Variants in ZC3H12B observed in about 807,000 individuals in gnomAD.
The protein encoded by ZC3H12B is zinc finger CCCH-type containing 12B.
ZC3H12B carries 7 observed loss-of-function variants against 43.9 expected under a neutral mutation model. That is an observed-to-expected ratio of 0.16 (90% CI 0.09 to 0.30). The LOEUF is 0.30. Ranked by LOEUF, ZC3H12B falls within the 10% of genes least tolerant of loss-of-function variation. The pLI is 1.00. For synonymous variants in ZC3H12B, 222 were observed against 241.7 expected (o/e 0.92, Z 0.76); for missense variants, 475 against 670.2 (o/e 0.71, Z 3.22).
intron 3 of ZC3H12B, among the ~76,000 whole-genome samples, chrX:65,461,597 C>G (rs751391924): frequency 1.3e-4 from 15 of 111,670 alleles, no homozygotes; most frequent in African/African-American, 4.9e-4. Flanking sequence ...CAATCTATCA[C>G]AAGGACAAAA....
At chrX:65,061,643 T>G in the ZC3H12B span, among the ~76,000 whole-genome samples, 1 of 112,449 alleles carries the variant, frequency 8.9e-6, no homozygotes, top group Non-Finnish European at 1.9e-5. Flanking sequence ...GCATGTGTCT[T>G]TATAGTAGAA....
At chrX:65,255,603 C>T in the ZC3H12B span, among the ~76,000 whole-genome samples, 2 of 111,993 alleles carry the variant, frequency 1.8e-5, no homozygotes, top group South Asian at 7.4e-4. Context: ...TTTACATAGA[C>T]CATTAACACT....
the ZC3H12B span, among the ~76,000 whole-genome samples, chrX:65,177,698 C>T: frequency 9.0e-6 from 1 of 111,242 alleles, no homozygotes; most frequent in African/African-American, 3.3e-5. Context: ...AATAAAATAC[C>T]TAGGAATACA....
chrX:65,425,882 T>A (rs1355053312), intron 3 of ZC3H12B, among the ~76,000 whole-genome samples: 8 of 111,769 alleles, frequency 7.2e-5, no homozygotes, highest in East Asian at 5.6e-4. Context: ...ACTGAGGATT[T>A]TTGCATTGAT....
At chrX:65,078,455 C>G in the ZC3H12B span, among the ~76,000 whole-genome samples, 2 of 111,758 alleles carry the variant, frequency 1.8e-5, no homozygotes, top group African/African-American at 6.5e-5. Context: ...GTAGGAGGAA[C>G]ATAAGAAGAA....
At chrX:65,311,786 C>A in the ZC3H12B span, among the ~76,000 whole-genome samples, 1 of 111,723 alleles carries the variant, frequency 9.0e-6, no homozygotes, top group African/African-American at 3.3e-5. Context: ...AAATGTGGCA[C>A]ATATACACCA....
the ZC3H12B span, among the ~76,000 whole-genome samples, chrX:65,155,683 G>A: frequency 7.2e-5 from 8 of 110,494 alleles, no homozygotes; most frequent in African/African-American, 9.9e-5. Context: ...GTGAAACCTC[G>A]TCTGTACAGA....
the ZC3H12B span, among the ~76,000 whole-genome samples, chrX:65,110,928 A>C: frequency 2.7e-5 from 3 of 111,545 alleles, no homozygotes; most frequent in East Asian, 8.5e-4. Flanking sequence ...AGTTTTCAGC[A>C]TACAGATCCT....
At chrX:65,110,854 T>A in the ZC3H12B span, among the ~76,000 whole-genome samples, 1 of 111,482 alleles carries the variant, frequency 9.0e-6, no homozygotes, top group Admixed American at 9.6e-5. Context: ...AGTATTCCAA[T>A]CCATGAATTC....
the ZC3H12B span, among the ~76,000 whole-genome samples, chrX:65,140,377 G>T: frequency 9.0e-6 from 1 of 111,387 alleles, no homozygotes; most frequent in African/African-American, 3.3e-5. Flanking sequence ...CTTTTTGTCT[G>T]TCAATGTGGC....
the ZC3H12B span, among the ~76,000 whole-genome samples, chrX:65,212,666 A>G: frequency 1.1e-5 from 1 of 88,042 alleles, no homozygotes; most frequent in Non-Finnish European, 2.1e-5. Flanking sequence ...TTATATATAA[A>G]TATATATGAT....
At chrX:65,284,783 A>T in the ZC3H12B span, among the ~76,000 whole-genome samples, 2 of 111,610 alleles carry the variant, frequency 1.8e-5, no homozygotes, top group East Asian at 5.6e-4. Context: ...GAAATTTACT[A>T]GAGACAGATA....
upstream of ZC3H12B, among the ~76,000 whole-genome samples, chrX:65,365,896 C>T (rs369632648): frequency 1.0e-4 from 11 of 109,802 alleles, no homozygotes; most frequent in East Asian, 1.2e-3. Context: ...GACCCCACTG[C>T]GATCTCCCTT....
At chrX:65,403,352 G>A (rs887904493) in intron 3 of ZC3H12B, among the ~76,000 whole-genome samples, 1 of 111,459 alleles carries the variant, frequency 9.0e-6, no homozygotes, top group African/African-American at 3.3e-5. Context: ...AAATGTCAAA[G>A]TTAAGAGTTA....
the ZC3H12B span, among the ~76,000 whole-genome samples, chrX:65,270,541 T>A: frequency 8.1e-5 from 9 of 110,636 alleles, no homozygotes; most frequent in Non-Finnish European, 1.7e-4. Context: ...TGGGACTACC[T>A]CAAACTAAAA....
At chrX:65,323,222 C>G in the ZC3H12B span, among the ~76,000 whole-genome samples, 7 of 111,986 alleles carry the variant, frequency 6.3e-5, no homozygotes, top group African/African-American at 2.3e-4. Context: ...CTGTGTTGTT[C>G]TGGATCTTAG....
chrX:65,300,576 A>G, the ZC3H12B span, among the ~76,000 whole-genome samples: 1 of 110,955 alleles, frequency 9.0e-6, no homozygotes, highest in Non-Finnish European at 1.9e-5. Context: ...TTCTCTACCC[A>G]CCCTGGTAGC....
At chrX:65,497,055 T>C in intron 1 of ZC3H12B, 77 bp from the exon 7 acceptor site, 7 of 918,162 alleles carry the variant, frequency 7.6e-6, no homozygotes, top group Non-Finnish European at 1.1e-5. Flanking sequence ...ACCTTGGTAC[T>C]AAGAAAAAGC....
chrX:65,380,427 A>T (rs950463111), intron 2 of ZC3H12B, among the ~76,000 whole-genome samples: 3 of 111,524 alleles, frequency 2.7e-5, no homozygotes, highest in Non-Finnish European at 5.6e-5. Context: ...TCTCACCACC[A>T]GGCCCGCCCT....
Sources: allele counts gnomAD v4.1 joint callset (sites outside exome capture counted in the v4.1 genomes callset), GRCh38; gene constraint gnomAD v4.1.1; transcripts MANE v1.5; gene names NCBI Gene and HGNC (gene_info 2026-07-23, HGNC 2026-07-21).